ACYP2: variants seen among roughly 807,000 people sequenced by gnomAD.
ACYP2 encodes the protein acylphosphatase-2.
ACYP2 carries 12 observed loss-of-function variants against 11.2 expected under a neutral mutation model. The ratio of observed to expected loss-of-function variants is 1.08; its 90% CI spans 0.69 to 1.74. The LOEUF is 1.74. ACYP2 is among the 40% of genes most tolerant of loss of function. The pLI is 0.00. For synonymous variants in ACYP2, 43 were observed against 32.2 expected, an observed-to-expected ratio of 1.33 and a Z score of -1.13; for missense variants, 134 against 101.9, an observed-to-expected ratio of 1.31 and a Z score of -1.35.
chr2:54,218,247 A>G (rs1685639305), intron 6 of ACYP2, among the ~76,000 whole-genome samples: 1 of 152,316 alleles, frequency 6.6e-6, no homozygotes, highest in African/African-American at 2.4e-5. Context: ...ATTTGTTAAC[A>G]TATCTATGAG....
At chr2:54,072,513 T>TTCC (rs1553365860) in intron 4 of ACYP2, among the ~76,000 whole-genome samples, 23 of 146,154 alleles carry the variant, frequency 1.6e-4, no homozygotes, top group Middle Eastern at 3.5e-3. Flanking sequence ...CTCTCTCTCT[T>TTCC]TCTTTCTTCT....
intron 6 of ACYP2, among the ~76,000 whole-genome samples, chr2:54,182,790 T>G (rs1259736643): frequency 6.6e-6 from 1 of 152,232 alleles, no homozygotes; most frequent in Non-Finnish European, 1.5e-5. Context: ...AGTTGTTTTT[T>G]TTTCTTTTTC....
At chr2:54,186,536 G>A (rs1300539491) in intron 6 of ACYP2, among the ~76,000 whole-genome samples, 2 of 152,048 alleles carry the variant, frequency 1.3e-5, no homozygotes, top group African/African-American at 4.8e-5. Context: ...TTTCAGAGAT[G>A]GAGTTTCGCT....
rs566830412 is a variant in ACYP2, at chr2:53,975,103, T to C, written c.62+1293T>C. The C allele has an allele frequency of 4.2e-5, 16 of 385,244 alleles. No homozygotes were observed. The East Asian group carries it at 5.9e-4, about 14-fold the overall frequency. The allele number at this position is 385,244 out of a possible 1,614,324, so 23.9% of individuals were successfully genotyped here. ...AGCCTGGCATGGTGGCGTGCGCCTG[T>C]AGTCCCAGCAACTCAGGAGGCTGAG... On this transcript the variant is annotated intron_variant, in intron 2 of 6. Coordinates refer to ENST00000607452, the MANE Select transcript of ACYP2 (RefSeq NM_001320586.2).
intron 6 of ACYP2, among the ~76,000 whole-genome samples, chr2:54,215,237 AT>A (rs1434927274): frequency 6.6e-6 from 1 of 152,016 alleles, no homozygotes; most frequent in Admixed American, 6.6e-5. Flanking sequence ...GAATCCTTTT[AT>A]TTCTTTTTCT....
At chr2:54,302,623 C>T (rs1034862488) in intron 6 of ACYP2, among the ~76,000 whole-genome samples, 7 of 152,190 alleles carry the variant, frequency 4.6e-5, no homozygotes, top group African/African-American at 1.7e-4. Flanking sequence ...TAACCAGACT[C>T]ATAGGTCCAA....
chr2:54,291,757 G>A (rs1689316826), intron 6 of ACYP2, among the ~76,000 whole-genome samples: 1 of 152,168 alleles, frequency 6.6e-6, no homozygotes, highest in South Asian at 2.1e-4. Flanking sequence ...TGGACTGATA[G>A]TTAGGGTAGT....
chr2:54,173,483 T>C (rs1683303938), intron 6 of ACYP2, among the ~76,000 whole-genome samples: 2 of 152,222 alleles, frequency 1.3e-5, no homozygotes, highest in Admixed American at 1.3e-4. Context: ...TTTCTCCCGT[T>C]CTGTAGGTTG....
intron 4 of ACYP2, chr2:54,057,430 A>G (rs992504026): frequency 2.5e-6 from 1 of 393,804 alleles, no homozygotes; most frequent in Non-Finnish European, 4.5e-6. Flanking sequence ...ACATTTTGGT[A>G]TATAAAATTA....
rs574248217 is a variant in ACYP2, at chr2:54,030,921, A to T, written c.63-20037A>T. Among the ~76,000 whole-genome samples, 13 of 152,232 alleles carry T rather than the reference A, an allele frequency of 8.5e-5. No homozygotes were observed. In the South Asian group the frequency reaches 2.7e-3, roughly 32 times the overall value. On this transcript the variant is annotated intron_variant, in intron 2 of 6. Coordinates refer to ENST00000607452, the MANE Select transcript of ACYP2 (RefSeq NM_001320586.2). Reference sequence around the variant, plus strand: ...CTCCAACTTCCTTTTCTTTTTCATTATGAAGGTCAGATCTGTGCCAATCAT... The same window carrying T: ...CTCCAACTTCCTTTTCTTTTTCATTTTGAAGGTCAGATCTGTGCCAATCAT...
intron 6 of ACYP2, among the ~76,000 whole-genome samples, chr2:54,238,031 C>A (rs1686570532): frequency 1.3e-5 from 2 of 152,108 alleles, no homozygotes; most frequent in Non-Finnish European, 2.9e-5. Flanking sequence ...CTTCCTTAGC[C>A]TGGAACACTG....
intron 6 of ACYP2, among the ~76,000 whole-genome samples, chr2:54,286,866 A>G (rs1689099389): frequency 6.6e-6 from 1 of 152,006 alleles, no homozygotes; most frequent in Non-Finnish European, 1.5e-5. Context: ...TCAGGCTATA[A>G]TATCTAGAAT....
At chr2:54,047,933 G>C (rs1258407637) in intron 2 of ACYP2, among the ~76,000 whole-genome samples, 1 of 152,212 alleles carries the variant, frequency 6.6e-6, no homozygotes, top group Non-Finnish European at 1.5e-5. Context: ...AATTGACCCT[G>C]TGATCTGGGA....
intron 2 of ACYP2, among the ~76,000 whole-genome samples, chr2:53,977,046 A>ATTTCT (rs1263700606): frequency 1.3e-5 from 2 of 151,726 alleles, no homozygotes; most frequent in Non-Finnish European, 2.9e-5. Flanking sequence ...TAATATCCAT[A>ATTTCT]TTTCTTTTCT....
intron 2 of ACYP2, among the ~76,000 whole-genome samples, chr2:54,019,707 C>T (rs144367209): frequency 0.02 from 3,104 of 151,884 alleles, 102 homozygotes; most frequent in African/African-American, 0.071. Context: ...GCAGCCTCTG[C>T]CTCCCGGGTT....
chr2:54,078,164 T>G (rs1677446676), intron 4 of ACYP2, among the ~76,000 whole-genome samples: 1 of 151,424 alleles, frequency 6.6e-6, no homozygotes, highest in South Asian at 2.1e-4. Flanking sequence ...CCAGGCTGGT[T>G]TCAAACTCCT....
chr2:54,281,874 A>G (rs892208994), intron 6 of ACYP2, among the ~76,000 whole-genome samples: 2 of 152,236 alleles, frequency 1.3e-5, no homozygotes, highest in South Asian at 2.1e-4. Flanking sequence ...TAAAAATAGT[A>G]ATTATACCCT....
intron 4 of ACYP2, among the ~76,000 whole-genome samples, chr2:54,064,805 C>A (rs185845692): frequency 6.6e-6 from 1 of 151,962 alleles, no homozygotes; most frequent in Non-Finnish European, 1.5e-5. Flanking sequence ...ATAGGGGGAC[C>A]GCCAGCACGG....
In ACYP2 at chr2:54,198,234, C is replaced by CA. The variant is rs1684598185; in HGVS notation, c.404+59489dup. Among the ~76,000 whole-genome samples the CA allele has an allele frequency of 3.3e-5, 5 of 152,180 alleles. No individual in the cohort carries two copies. In the East Asian group the frequency reaches 9.7e-4, roughly 29 times the overall value. On this transcript the variant is annotated intron_variant, in intron 6 of 6. Coordinates refer to ENST00000607452, the MANE Select transcript of ACYP2 (RefSeq NM_001320586.2). ...TTCACCATGTTGGCCAGGTTGGTCTCAAACTCCTGACCTCAGGTGATCCAC... is the reference window on the plus strand; with the variant it reads ...TTCACCATGTTGGCCAGGTTGGTCTCAAAACTCCTGACCTCAGGTGATCCAC...
Sources: allele counts gnomAD v4.1 joint callset (sites outside exome capture counted in the v4.1 genomes callset), GRCh38; gene constraint gnomAD v4.1.1; transcripts MANE v1.5; gene names NCBI Gene and HGNC (gene_info 2026-07-23, HGNC 2026-07-21).